VGLL4: variants seen among roughly 807,000 people sequenced by gnomAD.
VGLL4 encodes vestigial like family member 4, also known as transcription cofactor vestigial-like protein 4.
In VGLL4, 7 loss-of-function variants were observed where a neutral mutation model predicts 21.0. That is an observed-to-expected ratio of 0.33 (90% CI 0.19 to 0.63). VGLL4 has a LOEUF of 0.63. Among genes scored for constraint, VGLL4 ranks in the 20% least tolerant of loss-of-function variants. VGLL4 has a pLI of 0.78. For missense variants in VGLL4, 394 were observed against 425.7 expected, an observed-to-expected ratio of 0.93 and a Z score of 0.66; for synonymous variants, 222 against 173.2, an observed-to-expected ratio of 1.28 and a Z score of -2.21.
chr3:11,587,100 A>G (rs1423666680), intron 2 of VGLL4, among the ~76,000 whole-genome samples: 1 of 152,250 alleles, frequency 6.6e-6, no homozygotes, highest in Non-Finnish European at 1.5e-5. Flanking sequence ...CTTTCAAGGC[A>G]AGGCCAAGGA....
intron 1 of VGLL4, among the ~76,000 whole-genome samples, chr3:11,632,309 T>C (rs1055623355): frequency 9.0e-5 from 8 of 89,198 alleles, no homozygotes; most frequent in African/African-American, 1.3e-4. Flanking sequence ...CAACACTCTG[T>C]CTCAAAAATA....
At position 11,568,920 on chromosome 3, in the gene VGLL4, G is replaced by T; in HGVS notation, c.273-3901C>A. 2 of 1,265,880 alleles carry T rather than the reference G, an allele frequency of 1.6e-6. No homozygotes were observed. The highest frequency in any genetic ancestry group is 2.0e-6 in the Non-Finnish European group (2 of 1,000,094). The allele number at this position is 1,265,880 out of a possible 1,614,324, so 78.4% of individuals were successfully genotyped here. ...CGGGCCTCATCCCCATCCTAGGCGG[G>T]CACTTCCACTGCCAGCTGCCCACGG... On this transcript the variant is annotated intron_variant, in intron 2 of 4. Coordinates refer to ENST00000430365, the MANE Select transcript of VGLL4 (RefSeq NM_001128219.3). The surrounding 1 kb of genome is among the most constrained non-coding windows in gnomAD (Gnocchi z 5.9).
intron 1 of VGLL4, among the ~76,000 whole-genome samples, chr3:11,638,375 C>G (rs989796357): frequency 6.6e-6 from 1 of 152,020 alleles, no homozygotes; most frequent in African/African-American, 2.4e-5. Context: ...GGCTGAGAAA[C>G]AAGGGTGGGA....
At chr3:11,699,858 T>C (rs1291558832) in intron 2 of VGLL4, among the ~76,000 whole-genome samples, 1 of 152,164 alleles carries the variant, frequency 6.6e-6, no homozygotes, top group Non-Finnish European at 1.5e-5. Context: ...CAGTCTATTT[T>C]CTGATTGTTA....
At chr3:11,679,507 A>G (rs558582843) in intron 2 of VGLL4, among the ~76,000 whole-genome samples, 12 of 152,168 alleles carry the variant, frequency 7.9e-5, no homozygotes, top group Non-Finnish European at 1.8e-4. Context: ...GCATGGTGAA[A>G]CCCCGTCTCT....
At chr3:11,655,173 CA>C (rs1387437365) in intron 2 of VGLL4, among the ~76,000 whole-genome samples, 2 of 152,146 alleles carry the variant, frequency 1.3e-5, no homozygotes, top group Non-Finnish European at 2.9e-5. Flanking sequence ...GGTAAATCTG[CA>C]GTAGATGAAT....
chr3:11,664,350 G>A (rs929471281), intron 2 of VGLL4, among the ~76,000 whole-genome samples: 1 of 152,150 alleles, frequency 6.6e-6, no homozygotes, highest in African/African-American at 2.4e-5. Context: ...TGGATAGGGA[G>A]GTAATCAAGA....
chr3:11,573,587 G>A (rs2073942202), intron 2 of VGLL4, among the ~76,000 whole-genome samples: 1 of 152,168 alleles, frequency 6.6e-6, no homozygotes, highest in Admixed American at 6.5e-5. Flanking sequence ...TGCTGCTGCT[G>A]TGTATCCTCG....
chr3:11,660,957 A>G (rs1210110153), intron 2 of VGLL4, among the ~76,000 whole-genome samples: 1 of 152,198 alleles, frequency 6.6e-6, no homozygotes, highest in Admixed American at 6.5e-5. Context: ...AACAGCAACA[A>G]AAGCAGCCCA....
intron 2 of VGLL4, among the ~76,000 whole-genome samples, chr3:11,670,133 A>G (rs2076183491): frequency 6.6e-6 from 1 of 151,614 alleles, no homozygotes; most frequent in Admixed American, 6.6e-5. Flanking sequence ...AAAAAAAAGC[A>G]AGAATATTCA....
chr3:11,654,897 T>C (rs545974721), intron 2 of VGLL4, among the ~76,000 whole-genome samples: 112 of 152,356 alleles, frequency 7.4e-4, no homozygotes, highest in African/African-American at 2.5e-3. Context: ...ACGGTTTTTG[T>C]TGAAAAATAT....
intron 1 of VGLL4, among the ~76,000 whole-genome samples, chr3:11,712,585 A>C (rs916632696): frequency 5.3e-5 from 8 of 152,226 alleles, no homozygotes; most frequent in Non-Finnish European, 7.3e-5. Flanking sequence ...AAAAAGAAAA[A>C]TTGAGGCACC....
chr3:11,558,913 C>T, intron 4 of VGLL4, 86 bp from the exon 5 acceptor site: 2 of 1,484,456 alleles, frequency 1.3e-6, no homozygotes, highest in Non-Finnish European at 1.8e-6. Context: ...TCAGGCAGCC[C>T]AGAGCCGGAC....
chr3:11,607,728 T>A (rs2074977173), intron 1 of VGLL4, among the ~76,000 whole-genome samples: 1 of 152,188 alleles, frequency 6.6e-6, no homozygotes, highest in Non-Finnish European at 1.5e-5. Flanking sequence ...AGAACAGGCA[T>A]TTGTGAATTT....
At chr3:11,648,266 G>A (rs1309514959), upstream of VGLL4, among the ~76,000 whole-genome samples, 1 of 152,172 alleles carries the variant, frequency 6.6e-6, no homozygotes, top group East Asian at 1.9e-4. Context: ...GTGGATATAG[G>A]AATCAGAAAT....
chr3:11,601,959 C>A lies in VGLL4; in HGVS notation c.146G>T (p.Ser49Ile). 6.2e-7 allele frequency: 1 copy of A among 1,611,974 alleles called. No homozygotes were observed. Among genetic ancestry groups the A allele is most frequent in the African/African-American group, 1.3e-5 (1 of 74,826 alleles). The change falls in exon 2 of 5, where the codon AGT (serine) becomes ATT (isoleucine). Residue 49 changes from serine to isoleucine, a missense_variant. Transcript: ENST00000430365. ...QTLPVASALS[S>I]HRTGPPPISP... Reference sequence around the variant, plus strand: ...GATTGGGGGAGGGCCGGTGCGGTGACTGCTGAGGGCAGAGGCCACCGGCAG... The same window carrying A: ...GATTGGGGGAGGGCCGGTGCGGTGAATGCTGAGGGCAGAGGCCACCGGCAG...
intron 1 of VGLL4, among the ~76,000 whole-genome samples, chr3:11,637,174 A>T (rs1425356167): frequency 1.3e-5 from 2 of 152,214 alleles, no homozygotes. Flanking sequence ...TGATCAAAAG[A>T]TAATACCTGG....
At chr3:11,625,370 T>C (rs552774349) in intron 1 of VGLL4, among the ~76,000 whole-genome samples, 1 of 152,376 alleles carries the variant, frequency 6.6e-6, no homozygotes, top group South Asian at 2.1e-4. Flanking sequence ...TAATACATTA[T>C]GGTTTCAGCT....
At chr3:11,708,645 CCA>C (rs1237910766) in intron 1 of VGLL4, among the ~76,000 whole-genome samples, 1 of 152,214 alleles carries the variant, frequency 6.6e-6, no homozygotes, top group African/African-American at 2.4e-5. Flanking sequence ...CCTTTATGAG[CCA>C]CAAATTATCC....
Sources: gnomAD v4.1 joint callset for allele counts (sites outside exome capture counted in the v4.1 genomes callset) on GRCh38, gnomAD v4.1.1 for gene constraint, Gnocchi (gnomAD v3.1) non-coding constraint, MANE v1.5 for transcripts, NCBI Gene and HGNC (gene_info 2026-07-23, HGNC 2026-07-21) for gene names.